Variants in MBP observed in about 807,000 individuals in gnomAD.
MBP encodes the protein Golli-MBP.
Under a neutral mutation model 35.8 loss-of-function variants are expected in MBP, and 16 were observed. The observed-to-expected ratio is 0.45, with a 90% CI of 0.30 to 0.68. MBP has a LOEUF of 0.68. MBP is among the 30% of genes least tolerant of loss of function. The probability of loss-of-function intolerance (pLI) is 0.08; values close to 1 mark genes in which losing one functional copy is unlikely to be tolerated. For missense variants in MBP, 380 were observed against 404.7 expected (o/e 0.94, Z 0.52); for synonymous variants, 143 against 159.6 (o/e 0.90, Z 0.78).
At chr18:77,023,789 T>C (rs1972087645) in intron 3 of MBP, among the ~76,000 whole-genome samples, 1 of 152,152 alleles carries the variant, frequency 6.6e-6, no homozygotes, top group Non-Finnish European at 1.5e-5. Context: ...CAGACACCCT[T>C]CTCCGAGTGC....
chr18:77,011,796 C>T (rs1369813800), intron 4 of MBP, among the ~76,000 whole-genome samples: 1 of 152,166 alleles, frequency 6.6e-6, no homozygotes, highest in African/African-American at 2.4e-5. Flanking sequence ...TAAGAGTGTG[C>T]TGATAGCCAT....
chr18:77,115,189 C>T (rs1251910852), intron 1 of MBP: 2 of 152,168 alleles, frequency 1.3e-5, no homozygotes, highest in Admixed American at 1.3e-4. Context: ...TCAACATGAC[C>T]CCGGGCCCTG....
intron 2 of MBP, chr18:77,069,072 AC>A (rs1201527557): frequency 2.2e-5 from 10 of 460,798 alleles, no homozygotes; most frequent in Non-Finnish European, 4.4e-5. Context: ...AACTCCCAGA[AC>A]AGTCCATTGT....
In MBP at chr18:77,015,919, A is replaced by G. The variant is rs376158605; in HGVS notation, c.576+913T>C. ...CAGCCCTGCACACAGGCAGAAAAACAGCTTCATCTTACAGGTTGTGTGAGA... is the reference window on the plus strand; with the variant it reads ...CAGCCCTGCACACAGGCAGAAAAACGGCTTCATCTTACAGGTTGTGTGAGA... On this transcript the variant is annotated intron_variant, in intron 4 of 8. Coordinates refer to ENST00000355994, the MANE Select transcript of MBP (RefSeq NM_001025101.2). The G allele has an allele frequency of 4.4e-4, 434 of 985,474 alleles. 5 individuals carry two copies. In the South Asian group the frequency reaches 0.018, roughly 41 times the overall value. The allele number at this position is 985,474 out of a possible 1,614,324, so 61.0% of individuals were successfully genotyped here.
rs1969111707 is a variant in MBP, at chr18:76,980,390, A to G, written c.*37T>C. 6.3e-7 allele frequency: 1 copy of G among 1,596,216 alleles called. No homozygotes were observed. The highest frequency in any genetic ancestry group is 1.1e-5 in the South Asian group (1 of 90,690). ...TTAAAGTTTTAAGGCAGTTATATTA[A>G]GAAGCTGAGGACAGGATTCCGGAAC... On this transcript the variant is annotated 3_prime_UTR_variant, in exon 9 of 9. Coordinates refer to ENST00000355994, the MANE Select transcript of MBP (RefSeq NM_001025101.2).
intron 3 of MBP, among the ~76,000 whole-genome samples, chr18:77,053,081 C>T (rs569592746): frequency 2.6e-5 from 4 of 152,342 alleles, no homozygotes; most frequent in African/African-American, 9.6e-5. Context: ...ATGCCGTGTC[C>T]CCGTGATAGG....
At chr18:77,031,216 T>C (rs1972529469) in intron 3 of MBP, among the ~76,000 whole-genome samples, 1 of 152,216 alleles carries the variant, frequency 6.6e-6, no homozygotes, top group Admixed American at 6.5e-5. Flanking sequence ...AAATTTTAAT[T>C]CTCAATTTGC....
intron 3 of MBP, among the ~76,000 whole-genome samples, chr18:77,028,632 C>A (rs1427643404): frequency 1.3e-5 from 1 of 75,956 alleles, no homozygotes; most frequent in African/African-American, 3.7e-5. Context: ...GACCCCCCCC[C>A]ACCTCCCTCC....
At chr18:77,112,163 G>GCACACACACACACACACA (rs1315786375) in intron 1 of MBP, among the ~76,000 whole-genome samples, 1 of 48,774 alleles carries the variant, frequency 2.1e-5, no homozygotes, top group African/African-American at 4.5e-5. Context: ...TGAACACCGT[G>GCACACACACACACACACA]CACACGCACA....
intron 3 of MBP, among the ~76,000 whole-genome samples, chr18:77,046,846 A>G (rs1440086292): frequency 6.6e-6 from 1 of 152,196 alleles, no homozygotes; most frequent in Non-Finnish European, 1.5e-5. Flanking sequence ...GAGGAATTAA[A>G]TTTAAAGACA....
chr18:77,129,320 T>C (rs530572745), intron 1 of MBP, among the ~76,000 whole-genome samples: 26 of 152,362 alleles, frequency 1.7e-4, no homozygotes, highest in East Asian at 5.8e-4. Context: ...ACATTACTAA[T>C]AGCTTTGGAA....
chr18:76,998,701 TAC>T (rs1350003961), intron 4 of MBP, among the ~76,000 whole-genome samples: 1 of 152,172 alleles, frequency 6.6e-6, no homozygotes, highest in Non-Finnish European at 1.5e-5. Context: ...AGATGAGACG[TAC>T]ACACAGTGTT....
intron 4 of MBP, among the ~76,000 whole-genome samples, chr18:77,007,155 T>C (rs1971030129): frequency 6.6e-6 from 1 of 152,234 alleles, no homozygotes; most frequent in South Asian, 2.1e-4. Context: ...AAAATCCCTC[T>C]GTATTTTAAA....
chr18:77,016,720 T>C, intron 4 of MBP, 112 bp downstream of exon 4: 2 of 1,491,644 alleles, frequency 1.3e-6, no homozygotes, highest in Non-Finnish European at 1.8e-6. Context: ...AACGAGACCT[T>C]AGACAGCAAG....
intron 3 of MBP, among the ~76,000 whole-genome samples, chr18:77,028,579 G>T: frequency 1.2e-5 from 1 of 85,774 alleles, no homozygotes; most frequent in African/African-American, 3.2e-5. Context: ...GGGCAGAGGC[G>T]CCCCTCACCT....
At chr18:77,066,648 C>T (rs978565510) in intron 2 of MBP, 1 of 675,140 alleles carries the variant, frequency 1.5e-6, no homozygotes, top group African/African-American at 1.8e-5. Flanking sequence ...GGAATATCAG[C>T]CTAGGTAAAA....
chr18:77,071,352 T>A (rs1326592508), intron 2 of MBP, among the ~76,000 whole-genome samples: 2 of 150,394 alleles, frequency 1.3e-5, no homozygotes, highest in Admixed American at 1.3e-4. Flanking sequence ...AATTTTTCAA[T>A]CCCTTAAAAA....
intron 3 of MBP, among the ~76,000 whole-genome samples, chr18:77,048,727 G>A (rs1338374976): frequency 6.6e-6 from 1 of 152,192 alleles, no homozygotes; most frequent in Non-Finnish European, 1.5e-5. Flanking sequence ...GCCTCCCAAA[G>A]TGTTGGGATT....
chr18:77,089,161 C>T (rs546367460), intron 2 of MBP, among the ~76,000 whole-genome samples: 2 of 152,366 alleles, frequency 1.3e-5, no homozygotes, highest in African/African-American at 4.8e-5. Context: ...CCGAACTACA[C>T]GGCCTGCCTT....
Sources: allele counts gnomAD v4.1 joint callset (sites outside exome capture counted in the v4.1 genomes callset), GRCh38; gene constraint gnomAD v4.1.1; transcripts MANE v1.5; gene names NCBI Gene and HGNC (gene_info 2026-07-23, HGNC 2026-07-21).